The following KCNT2 variants were observed in gnomAD, a reference collection of about 807,000 sequenced individuals.
KCNT2 encodes the protein potassium channel subfamily T member 2.
In KCNT2, 67 loss-of-function variants were observed where a neutral mutation model predicts 153.8. That is an observed-to-expected ratio of 0.44 (90% CI 0.36 to 0.53). The LOEUF (loss-of-function observed/expected upper bound fraction) is 0.53. Ranked by LOEUF, KCNT2 falls within the 20% of genes least tolerant of loss-of-function variation. KCNT2 has a pLI of 0.00. For synonymous variants in KCNT2, 500 were observed against 458.8 expected, an observed-to-expected ratio of 1.09 and a Z score of -1.15; for missense variants, 975 against 1,354.8, an observed-to-expected ratio of 0.72 and a Z score of 4.40.
intron 1 of KCNT2, among the ~76,000 whole-genome samples, chr1:196,573,481 A>G (rs1435811686): frequency 6.6e-6 from 1 of 152,106 alleles, no homozygotes; most frequent in African/African-American, 2.4e-5. Context: ...TAATCACGCC[A>G]GGAGAAAATG....
At chr1:196,575,498 G>C (rs1286406481) in intron 1 of KCNT2, among the ~76,000 whole-genome samples, 1 of 151,944 alleles carries the variant, frequency 6.6e-6, no homozygotes, top group East Asian at 1.9e-4. Flanking sequence ...CCAATTATAA[G>C]AGGTTTGTCA....
At chr1:196,345,259 T>G (rs1666044154) in intron 14 of KCNT2, among the ~76,000 whole-genome samples, 1 of 152,194 alleles carries the variant, frequency 6.6e-6, no homozygotes. Flanking sequence ...AGGGAGCTAA[T>G]ATTTTAGCAG....
intron 1 of KCNT2, among the ~76,000 whole-genome samples, chr1:196,596,975 T>C (rs1015017851): frequency 6.0e-4 from 91 of 152,276 alleles, no homozygotes; most frequent in Admixed American, 5.4e-3. Flanking sequence ...GCTGGGATTA[T>C]AGACATGAGC....
chr1:196,321,133 G>C (rs1311039405), intron 19 of KCNT2, among the ~76,000 whole-genome samples: 1 of 151,756 alleles, frequency 6.6e-6, no homozygotes, highest in Non-Finnish European at 1.5e-5. Context: ...AGCAGTCTCT[G>C]ATAGTGCCTT....
chr1:196,525,029 A>G (rs1445822950), intron 1 of KCNT2, among the ~76,000 whole-genome samples: 1 of 152,170 alleles, frequency 6.6e-6, no homozygotes, highest in Non-Finnish European at 1.5e-5. Context: ...ATCTTTGCAA[A>G]GAACAAGTCA....
At position 196,439,581 on chromosome 1, in the gene KCNT2, T is replaced by A. The variant is rs16839916; in HGVS notation, c.639-9824A>T. Among the ~76,000 whole-genome samples the A allele has an allele frequency of 5.3e-3, 803 of 152,074 alleles. 7 individuals are homozygous for A. Among genetic ancestry groups the A allele is most frequent in the African/African-American group, 0.019 (780 of 41,534 alleles). On this transcript the variant is annotated intron_variant, in intron 8 of 27. Transcript: ENST00000294725. ...GATAGTAGGGGATAAAGGCAATGGT[T>A]AATAATGACATAAAGTAAGAAATAC...
chr1:196,539,003 A>G (rs1460251134), intron 1 of KCNT2, among the ~76,000 whole-genome samples: 2 of 151,922 alleles, frequency 1.3e-5, no homozygotes, highest in Non-Finnish European at 2.9e-5. Context: ...CTTTTTTGTT[A>G]TGTTATGGTT....
intron 8 of KCNT2, among the ~76,000 whole-genome samples, chr1:196,464,724 A>G (rs1193380215): frequency 6.6e-6 from 1 of 151,958 alleles, no homozygotes; most frequent in African/African-American, 2.4e-5. Context: ...GGATTACTCT[A>G]TAATTGTCAA....
intron 1 of KCNT2, among the ~76,000 whole-genome samples, chr1:196,543,549 A>G (rs1429007781): frequency 6.6e-6 from 1 of 152,164 alleles, no homozygotes; most frequent in East Asian, 1.9e-4. Flanking sequence ...TTAATTAAAA[A>G]GTCATAAAGT....
intron 13 of KCNT2, among the ~76,000 whole-genome samples, chr1:196,379,245 C>T (rs888977766): frequency 3.3e-5 from 5 of 151,920 alleles, no homozygotes; most frequent in African/African-American, 1.2e-4. Flanking sequence ...TTCTAATTCC[C>T]CTCCTTTGTT....
At chr1:196,532,125 C>A (rs918298605) in intron 1 of KCNT2, among the ~76,000 whole-genome samples, 1 of 151,636 alleles carries the variant, frequency 6.6e-6, no homozygotes, top group Non-Finnish European at 1.5e-5. Flanking sequence ...ATTTATTTCA[C>A]AAAGAATAAA....
At position 196,270,828 on chromosome 1, in the gene KCNT2, G is replaced by GGTGT. The variant is rs10641279; in HGVS notation, c.2910+10028_2910+10031dup. ...ACTAAAGCAATGGTTTCAACATGCA[G>GGTGT]GTGTGTGTGTGTGTGTGTGTGTGCA... On this transcript the variant is annotated intron_variant, in intron 25 of 27. Transcript: ENST00000294725. Among the ~76,000 whole-genome samples the GGTGT allele has an allele frequency of 4.1e-3, 600 of 148,092 alleles. 3 individuals are homozygous for GGTGT. Among genetic ancestry groups the GGTGT allele is most frequent in the African/African-American group, 0.013 (533 of 40,540 alleles).
intron 25 of KCNT2, among the ~76,000 whole-genome samples, chr1:196,280,234 TG>T (rs1200921930): frequency 2.6e-5 from 4 of 152,182 alleles, no homozygotes; most frequent in Non-Finnish European, 5.9e-5. Flanking sequence ...CCACATGAAG[TG>T]ATCAAATCAA....
intron 8 of KCNT2, among the ~76,000 whole-genome samples, chr1:196,446,704 G>A (rs1675715830): frequency 6.6e-6 from 1 of 151,444 alleles, no homozygotes; most frequent in African/African-American, 2.4e-5. Context: ...TGTTTATTCA[G>A]GGGCTGTATT....
rs371553699 is a variant in KCNT2 at position 196,568,915 on chromosome 1, G to A, written c.95+39300C>T. Among the ~76,000 whole-genome samples the A allele has an allele frequency of 7.2e-5, 11 of 152,060 alleles. No homozygotes were observed. The South Asian group carries it at 2.1e-3, about 29-fold the overall frequency. On this transcript the variant is annotated intron_variant, in intron 1 of 27. Coordinates refer to ENST00000294725, the MANE Select transcript of KCNT2 (RefSeq NM_198503.5). ...GCTGTTGGTTCAAAGAACTCTGTAC[G>A]GTAAAATCTATTGATGTGCTCTCTT...
At chr1:196,473,590 G>A (rs1678276823) in intron 5 of KCNT2, among the ~76,000 whole-genome samples, 1 of 152,084 alleles carries the variant, frequency 6.6e-6, no homozygotes, top group Non-Finnish European at 1.5e-5. Flanking sequence ...TTGTACAGTG[G>A]GGCAATGTAT....
intron 8 of KCNT2, among the ~76,000 whole-genome samples, chr1:196,437,653 C>A (rs556658126): frequency 1.3e-5 from 2 of 150,326 alleles, no homozygotes; most frequent in South Asian, 4.2e-4. Context: ...AAATGAATAT[C>A]TTTTTAGTAT....
rs116552797 is a variant in KCNT2, at chr1:196,564,433, C to T, written c.95+43782G>A. Among the ~76,000 whole-genome samples the T allele has an allele frequency of 6.4e-3, 979 of 151,866 alleles. 12 individuals are homozygous for T. Among genetic ancestry groups the T allele is most frequent in the African/African-American group, 0.023 (935 of 41,506 alleles). On this transcript the variant is annotated intron_variant, in intron 1 of 27. Transcript: ENST00000294725. ...TAAAATGTCCACACTACCCAGTGAT[C>T]TACAGATTCATTGATATCCATATTA... is the stretch of plus-strand genomic sequence containing the variant.
intron 1 of KCNT2, among the ~76,000 whole-genome samples, chr1:196,568,567 G>C (rs1660388136): frequency 6.7e-6 from 1 of 149,492 alleles, no homozygotes; most frequent in Admixed American, 6.7e-5. Flanking sequence ...CTGCACTCCA[G>C]CCTGGGCGAC....
Sources: gnomAD v4.1 joint callset for allele counts (sites outside exome capture counted in the v4.1 genomes callset) on GRCh38, gnomAD v4.1.1 for gene constraint, MANE v1.5 for transcripts, NCBI Gene and HGNC (gene_info 2026-07-23, HGNC 2026-07-21) for gene names.